The following GRM3 variants were observed in gnomAD, a reference collection of about 807,000 sequenced individuals.
GRM3 encodes metabotropic glutamate receptor 3.
GRM3 carries 26 observed loss-of-function variants against 70.5 expected under a neutral mutation model. The ratio of observed to expected loss-of-function variants is 0.37; its 90% CI spans 0.27 to 0.51. The LOEUF (loss-of-function observed/expected upper bound fraction) is 0.51, where lower values mean the gene tolerates loss of function less well. Among genes scored for constraint, GRM3 ranks in the 20% least tolerant of loss-of-function variants. The pLI, the probability that GRM3 is intolerant of heterozygous loss-of-function variation, is 0.93. For synonymous variants in GRM3, 443 were observed against 434.9 expected (o/e 1.02, Z -0.23); for missense variants, 859 against 1,123.8 (o/e 0.76, Z 3.37).
chr7:86,763,309 A>C (rs576455048), intron 1 of GRM3, among the ~76,000 whole-genome samples: 30 of 152,250 alleles, frequency 2.0e-4, no homozygotes, highest in African/African-American at 6.5e-4. Context: ...AACCTGTCAG[A>C]AGAATGCTCC....
At chr7:86,680,722 G>T (rs1277822414) in intron 1 of GRM3, among the ~76,000 whole-genome samples, 1 of 152,090 alleles carries the variant, frequency 6.6e-6, no homozygotes, top group Non-Finnish European at 1.5e-5. Flanking sequence ...TAAATAAGAA[G>T]CCCAAGTTTC....
chr7:86,650,035 G>C (rs925561577), intron 1 of GRM3, among the ~76,000 whole-genome samples: 4 of 152,176 alleles, frequency 2.6e-5, no homozygotes, highest in Non-Finnish European at 5.9e-5. Context: ...TTTTAAATGT[G>C]TGTATATATT....
chr7:86,787,237 G>C, intron 3 of GRM3, 121 bp downstream of exon 3: 4 of 805,688 alleles, frequency 5.0e-6, no homozygotes, highest in Non-Finnish European at 7.9e-6. Context: ...GGTTCAAACT[G>C]TTAACCAAAT....
chr7:86,697,285 A>C (rs1274369254), intron 1 of GRM3, among the ~76,000 whole-genome samples: 1 of 151,570 alleles, frequency 6.6e-6, no homozygotes, highest in African/African-American at 2.4e-5. Context: ...ATACAATTAA[A>C]CAAAAGCAAA....
At chr7:86,667,033 C>T (rs964610396) in intron 1 of GRM3, among the ~76,000 whole-genome samples, 2 of 152,100 alleles carry the variant, frequency 1.3e-5, no homozygotes, top group Non-Finnish European at 2.9e-5. Flanking sequence ...AGTTTGATCT[C>T]ATTTTCAAGC....
At chr7:86,691,261 T>C (rs1794690210) in intron 1 of GRM3, among the ~76,000 whole-genome samples, 1 of 152,142 alleles carries the variant, frequency 6.6e-6, no homozygotes, top group Non-Finnish European at 1.5e-5. Flanking sequence ...CTCTTTACCA[T>C]CCTCCTCATT....
At chr7:86,823,999 C>T (rs952604942) in intron 3 of GRM3, among the ~76,000 whole-genome samples, 2 of 152,160 alleles carry the variant, frequency 1.3e-5, no homozygotes, top group East Asian at 3.9e-4. Context: ...GGCAGAGCTG[C>T]TGAGGCAAGA....
chr7:86,676,827 G>A (rs542209793), intron 1 of GRM3, among the ~76,000 whole-genome samples: 150 of 152,046 alleles, frequency 9.9e-4, no homozygotes, highest in African/African-American at 3.5e-3. Flanking sequence ...TTAAACAGAG[G>A]TGGGGTAAAG....
At chr7:86,783,527 G>A (rs1038027137) in intron 2 of GRM3, among the ~76,000 whole-genome samples, 1 of 152,086 alleles carries the variant, frequency 6.6e-6, no homozygotes, top group Non-Finnish European at 1.5e-5. Context: ...GTGTGTGTGT[G>A]TGTGTATGTA....
chr7:86,840,201 G>T (rs560737342), intron 4 of GRM3, among the ~76,000 whole-genome samples: 1 of 152,118 alleles, frequency 6.6e-6, no homozygotes, highest in Non-Finnish European at 1.5e-5. Context: ...TACACATAAT[G>T]TTAATTAAAC....
intron 1 of GRM3, among the ~76,000 whole-genome samples, chr7:86,706,766 A>G (rs1030064697): frequency 1.3e-5 from 2 of 151,562 alleles, no homozygotes; most frequent in African/African-American, 2.4e-5. Context: ...AAATGGGTTG[A>G]TTTTTTTTTA....
In GRM3 at chr7:86,662,824, C is replaced by A. The variant is rs530098646; in HGVS notation, c.-141+17952C>A. 5.3e-5 allele frequency among the ~76,000 whole-genome samples: 8 copies of A among 152,036 alleles called. No individual in the cohort carries two copies. The South Asian group carries it at 1.7e-3, about 32-fold the overall frequency. On this transcript the variant is annotated intron_variant, in intron 1 of 5. Transcript: ENST00000361669. ...CCATGTCTTTATTCTTTAGCATCAG[C>A]ATACCTAACCCCAAATACTGATGAG...
intron 1 of GRM3, among the ~76,000 whole-genome samples, chr7:86,737,965 G>A (rs1795903195): frequency 6.6e-6 from 1 of 152,152 alleles, no homozygotes. Flanking sequence ...TCACCATTTA[G>A]ATGTTCCTTT....
intron 1 of GRM3, among the ~76,000 whole-genome samples, chr7:86,732,923 C>T (rs1795768740): frequency 6.6e-6 from 1 of 152,054 alleles, no homozygotes; most frequent in Non-Finnish European, 1.5e-5. Context: ...GGAATACAAA[C>T]CCAGCAGGAA....
chr7:86,847,933 T>C (rs1204705525), intron 4 of GRM3, among the ~76,000 whole-genome samples: 1 of 152,168 alleles, frequency 6.6e-6, no homozygotes, highest in African/African-American at 2.4e-5. Context: ...GCACAAACTA[T>C]GATAAAAATG....
At chr7:86,758,895 C>T (rs1234861753) in intron 1 of GRM3, among the ~76,000 whole-genome samples, 1 of 152,128 alleles carries the variant, frequency 6.6e-6, no homozygotes, top group African/African-American at 2.4e-5. Context: ...GGCAACGTCC[C>T]TCTCTTCAAC....
chr7:86,706,121 G>C (rs758360876), intron 1 of GRM3, among the ~76,000 whole-genome samples: 1 of 150,186 alleles, frequency 6.7e-6, no homozygotes, highest in African/African-American at 2.5e-5. Context: ...ATTACTAAGA[G>C]ACACAATTTA....
At position 86,857,402 on chromosome 7, in the gene GRM3, G is replaced by T. The variant is rs138171263; in HGVS notation, c.2566+6858G>T. On this transcript the variant is annotated intron_variant, in intron 5 of 5. Transcript: ENST00000361669. ...AAAGAAATGAGAAAGTACTAGAAGG[G>T]TTTCATCAGAGTTGTGGTATGACCT... Among the ~76,000 whole-genome samples the T allele has an allele frequency of 2.0e-5, 3 of 152,242 alleles. No homozygotes were observed. In the East Asian group the frequency reaches 5.8e-4, roughly 29 times the overall value.
At chr7:86,813,666 A>G (rs1158938636) in intron 3 of GRM3, among the ~76,000 whole-genome samples, 1 of 151,814 alleles carries the variant, frequency 6.6e-6, no homozygotes, top group Non-Finnish European at 1.5e-5. Context: ...AACAGGCCAC[A>G]CATTGGTTCC....
Sources: allele counts gnomAD v4.1 joint callset (sites outside exome capture counted in the v4.1 genomes callset), GRCh38; gene constraint gnomAD v4.1.1; transcripts MANE v1.5; gene names NCBI Gene and HGNC (gene_info 2026-07-23, HGNC 2026-07-21).